Variants in MCPH1 observed in about 807,000 individuals in gnomAD.
The protein encoded by MCPH1 is microcephalin 1.
A neutral mutation model predicts 84.5 loss-of-function variants in MCPH1; 104 were observed. That is an observed-to-expected ratio of 1.23 (90% confidence interval 1.05 to 1.45). MCPH1 has a LOEUF of 1.45. MCPH1 is among the 40% of genes most tolerant of loss of function. The pLI is 0.00. For synonymous variants in MCPH1, 514 were observed against 366.8 expected (o/e 1.40, Z -4.58); for missense variants, 1,498 against 1,005.7 (o/e 1.49, Z -6.62).
At chr8:6,416,034 A>C (rs1383095640) in intron 3 of MCPH1, among the ~76,000 whole-genome samples, 1 of 152,114 alleles carries the variant, frequency 6.6e-6, no homozygotes, top group Non-Finnish European at 1.5e-5. Context: ...ATTTATTCCT[A>C]ACTTTTTTGT....
At chr8:6,626,314 C>T (rs865818317) in intron 13 of MCPH1, 5 of 985,282 alleles carry the variant, frequency 5.1e-6, no homozygotes, top group Middle Eastern at 5.2e-4. Flanking sequence ...ATCTGCGCCG[C>T]GTTGCCTAAT....
chr8:6,453,544 C>G (rs115579842), intron 8 of MCPH1, among the ~76,000 whole-genome samples: 3 of 152,184 alleles, frequency 2.0e-5, no homozygotes, highest in East Asian at 3.9e-4. Context: ...TTATTGAATA[C>G]ACTAGGAAGC....
chr8:6,570,059 A>T (rs1353792581), intron 12 of MCPH1, among the ~76,000 whole-genome samples: 2 of 152,310 alleles, frequency 1.3e-5, no homozygotes, highest in Admixed American at 1.3e-4. Flanking sequence ...ATATTGTCTA[A>T]ATGGATCAGT....
intron 12 of MCPH1, among the ~76,000 whole-genome samples, chr8:6,604,482 G>A (rs1204723896): frequency 6.6e-6 from 1 of 152,128 alleles, no homozygotes; most frequent in Non-Finnish European, 1.5e-5. Context: ...GAGAGCACAT[G>A]TCAGAATTCT....
chr8:6,564,218 G>T (rs955439132), intron 12 of MCPH1, among the ~76,000 whole-genome samples: 3 of 152,064 alleles, frequency 2.0e-5, no homozygotes, highest in African/African-American at 7.2e-5. Flanking sequence ...CCTTGTGATC[G>T]ACTCGCCTTT....
At chr8:6,503,662 C>G (rs375790776) in intron 12 of MCPH1, among the ~76,000 whole-genome samples, 3 of 152,202 alleles carry the variant, frequency 2.0e-5, no homozygotes, top group African/African-American at 4.8e-5. Flanking sequence ...TGGACTCGCT[C>G]AGGCTCCCCT....
chr8:6,483,893 G>A (rs1034372473), intron 11 of MCPH1, among the ~76,000 whole-genome samples: 4 of 151,788 alleles, frequency 2.6e-5, no homozygotes, highest in Non-Finnish European at 4.4e-5. Context: ...AGAGGAGGAA[G>A]GAAGGGAGAA....
intron 7 of MCPH1, 84 bp downstream of exon 7, chr8:6,442,240 T>C: frequency 1.2e-6 from 1 of 807,296 alleles, no homozygotes; most frequent in Admixed American, 2.0e-5. Context: ...ATGTAGCAAC[T>C]TCTGATGAGT....
chr8:6,578,842 C>G (rs111263556), intron 12 of MCPH1, among the ~76,000 whole-genome samples: 2 of 152,264 alleles, frequency 1.3e-5, no homozygotes, highest in Non-Finnish European at 2.9e-5. Context: ...GCTCTCGGCT[C>G]CTTTGGAAGA....
intron 5 of MCPH1, among the ~76,000 whole-genome samples, chr8:6,436,854 C>T (rs1014417989): frequency 1.3e-5 from 2 of 151,822 alleles, no homozygotes; most frequent in African/African-American, 4.8e-5. Flanking sequence ...CCTGTAGTCC[C>T]AGCTACTTGG....
intron 7 of MCPH1, 120 bp downstream of exon 7, chr8:6,442,276 T>C (rs1031278417): frequency 1.5e-6 from 1 of 679,168 alleles, no homozygotes; most frequent in Middle Eastern, 3.0e-4. Context: ...AACTAGAACT[T>C]CTAAATTTCC....
intron 3 of MCPH1, among the ~76,000 whole-genome samples, chr8:6,417,416 T>C (rs1011743405): frequency 6.6e-6 from 1 of 152,166 alleles, no homozygotes; most frequent in Non-Finnish European, 1.5e-5. Context: ...TACTTATAAG[T>C]CTGGCAGGAA....
chr8:6,445,372 A>G lies in MCPH1; in HGVS notation c.1650A>G (p.Glu550=). The change falls in exon 8 of 14, where the codon GAA becomes GAG. Residue 550 remains glutamate, a synonymous_variant. Coordinates refer to ENST00000344683, the MANE Select transcript of MCPH1 (RefSeq NM_024596.5). ...DDLTPLEGSL[E]EMKEAVGLKS... ...TAACTCCTTTGGAAGGAAGCCTTGAAGAAATGAAAGAAGCGGTTGGTCTGA... is the reference window on the plus strand; with the variant it reads ...TAACTCCTTTGGAAGGAAGCCTTGAGGAAATGAAAGAAGCGGTTGGTCTGA... The G allele has an allele frequency of 6.2e-7, 1 of 1,614,272 alleles. No individual in the cohort carries two copies. The highest frequency in any genetic ancestry group is 8.5e-7 in the Non-Finnish European group (1 of 1,180,052).
chr8:6,621,364 T>TA (rs1831391036), intron 12 of MCPH1, 90 bp from the exon 13 acceptor site: 3 of 1,500,034 alleles, frequency 2.0e-6, no homozygotes, highest in Admixed American at 1.7e-5. Context: ...ATTCTTTTCA[T>TA]AAAAAAGGAA....
chr8:6,611,549 C>T (rs551282018), intron 12 of MCPH1, among the ~76,000 whole-genome samples: 2 of 152,368 alleles, frequency 1.3e-5, no homozygotes, highest in African/African-American at 2.4e-5. Flanking sequence ...CATGCCCTCT[C>T]AGGGGGCATC....
At position 6,468,625 on chromosome 8, in the gene MCPH1, AC is replaced by A. The variant is rs1018768556; in HGVS notation, c.1936-8968del. The stretch of plus-strand genomic sequence containing the variant: ...ACACTTTAGACACTAATGATGAACT[AC>A]TTGGATGTACATTTTTTTGGTTTTT... On this transcript the variant is annotated intron_variant, in intron 9 of 13. Coordinates refer to ENST00000344683, the MANE Select transcript of MCPH1 (RefSeq NM_024596.5). Among the ~76,000 whole-genome samples the A allele has an allele frequency of 1.3e-4, 19 of 148,062 alleles. 1 individual carries two copies. The highest frequency in any genetic ancestry group is 4.5e-4 in the African/African-American group (18 of 39,950).
intron 12 of MCPH1, among the ~76,000 whole-genome samples, chr8:6,592,089 A>G (rs934833144): frequency 2.6e-5 from 4 of 152,194 alleles, no homozygotes; most frequent in Non-Finnish European, 5.9e-5. Context: ...AGAACAATAC[A>G]ATATAGTGTA....
intron 2 of MCPH1, 50 bp downstream of exon 2, chr8:6,409,420 A>G: frequency 1.4e-6 from 2 of 1,410,174 alleles, no homozygotes; most frequent in Non-Finnish European, 2.0e-6. Flanking sequence ...TCTGATTGGT[A>G]AAAAGTTACA....
rs150580012 is a variant in MCPH1, at chr8:6,517,641, A to G, written c.2214+17712A>G. On this transcript the variant is annotated intron_variant, in intron 12 of 13. Transcript: ENST00000344683. ...TTTGAAGGCAGTGAAAATGGTGACCACTACCATTTACTGTCCCAAGTTCTA... is the reference window on the plus strand; with the variant it reads ...TTTGAAGGCAGTGAAAATGGTGACCGCTACCATTTACTGTCCCAAGTTCTA... Among the ~76,000 whole-genome samples the G allele has an allele frequency of 3.0e-3, 460 of 152,336 alleles. 6 individuals carry two copies. The highest frequency in any genetic ancestry group is 0.01 in the African/African-American group (430 of 41,582).
Sources: gnomAD v4.1 joint callset for allele counts (sites outside exome capture counted in the v4.1 genomes callset) on GRCh38, gnomAD v4.1.1 for gene constraint, MANE v1.5 for transcripts, NCBI Gene and HGNC (gene_info 2026-07-23, HGNC 2026-07-21) for gene names.